The following RTTN variants were observed in gnomAD, a reference collection of about 807,000 sequenced individuals.
The protein encoded by RTTN is rotatin.
A neutral mutation model predicts 269.2 loss-of-function variants in RTTN; 182 were observed. The observed-to-expected ratio is 0.68, with a 90% confidence interval of 0.60 to 0.76. RTTN has a LOEUF of 0.76. RTTN is among the 30% of genes least tolerant of loss of function. The pLI is 0.00. For synonymous variants in RTTN, 1,006 were observed against 963.5 expected, an observed-to-expected ratio of 1.04 and a Z score of -0.82; for missense variants, 2,545 against 2,608.6, an observed-to-expected ratio of 0.98 and a Z score of 0.53.
At chr18:70,138,760 C>T (rs912165572) in intron 21 of RTTN, 22 of 151,936 alleles carry the variant, frequency 1.4e-4, no homozygotes, top group African/African-American at 5.3e-4. Context: ...CAAGCAGAAG[C>T]CAACAGGAGG....
rs910472501 is a variant in RTTN, at chr18:70,098,092, AT to A, written c.3904-5289del. On this transcript the variant is annotated intron_variant, in intron 28 of 48. Coordinates refer to ENST00000640769, the MANE Select transcript of RTTN (RefSeq NM_173630.4). ...TAGGTACTTATAGGTTCAATTATAT[AT>A]TTTTTTTAATTTTTAAACTTTTAGG... is the stretch of plus-strand genomic sequence containing the variant. Among the ~76,000 whole-genome samples the A allele has an allele frequency of 2.2e-4, 33 of 151,758 alleles. No homozygotes were observed. The East Asian group carries it at 5.4e-3, about 25-fold the overall frequency.
intron 28 of RTTN, among the ~76,000 whole-genome samples, chr18:70,096,262 G>A (rs1272298858): frequency 6.6e-6 from 1 of 152,040 alleles, no homozygotes; most frequent in Non-Finnish European, 1.5e-5. Flanking sequence ...TAGCTTGGAG[G>A]AGTTTGTTAT....
At chr18:70,184,709 T>TG (rs2061497279) in intron 10 of RTTN, among the ~76,000 whole-genome samples, 2 of 59,274 alleles carry the variant, frequency 3.4e-5, no homozygotes, top group African/African-American at 1.6e-4. Flanking sequence ...GCAGGTTTTT[T>TG]TTTTTTTTGT....
chr18:70,120,110 A>T (rs1394914689), intron 26 of RTTN, among the ~76,000 whole-genome samples: 1 of 152,146 alleles, frequency 6.6e-6, no homozygotes, highest in Admixed American at 6.5e-5. Context: ...TAGTGGATTA[A>T]TGGGTTATCA....
At chr18:70,092,608 A>T in intron 29 of RTTN, 68 bp downstream of exon 29, 1 of 1,537,662 alleles carries the variant, frequency 6.5e-7, no homozygotes, top group East Asian at 2.3e-5. Flanking sequence ...TATGCTTGAA[A>T]TGTGTTGGAC....
At chr18:70,035,729 C>T (rs566511036) in intron 40 of RTTN, among the ~76,000 whole-genome samples, 2 of 152,070 alleles carry the variant, frequency 1.3e-5, no homozygotes, top group Non-Finnish European at 2.9e-5. Flanking sequence ...TAAACTAAAG[C>T]GTGTCTGCAC....
chr18:70,079,675 G>T (rs939458921), intron 32 of RTTN, among the ~76,000 whole-genome samples: 1 of 152,136 alleles, frequency 6.6e-6, no homozygotes, highest in African/African-American at 2.4e-5. Context: ...TTGCCAGAGA[G>T]AGCTGAGAAG....
chr18:70,127,514 G>A lies in RTTN; in HGVS notation c.3371C>T (p.Thr1124Ile), dbSNP rs757134367. 15 of 1,613,304 alleles carry A rather than the reference G, an allele frequency of 9.3e-6. No homozygotes were observed. In the South Asian group the frequency reaches 1.1e-4, roughly 12 times the overall value. Reference protein sequence around the residue: ...GVTLKSLAWHTALNRFLQVLP... With the variant: ...GVTLKSLAWHIALNRFLQVLP... ...ACCTTACACTGACCTGTTTAGTGCG[G>A]TGTGCCAAGCCAAGGACTTCAAGGT... Residue 1124 changes from threonine to isoleucine, a missense_variant, in exon 25 of 49, where the codon ACC becomes ATC. Thr to Ile is a moderately conservative substitution (Grantham distance 89). Transcript: ENST00000640769.
At chr18:70,140,267 G>A in intron 19 of RTTN, 79 bp from the exon 20 acceptor site, 1 of 757,074 alleles carries the variant, frequency 1.3e-6, no homozygotes, top group Non-Finnish European at 2.3e-6. Flanking sequence ...ACTCAGAACT[G>A]ATATCCACAC....
intron 31 of RTTN, 49 bp from the exon 32 acceptor site, chr18:70,086,733 A>C (rs750041430): frequency 1.7e-5 from 22 of 1,308,152 alleles, no homozygotes; most frequent in Middle Eastern, 2.5e-4. Flanking sequence ...AAAAAAAAAA[A>C]GGTCAATACT....
At chr18:70,047,216 C>A (rs2057516002) in intron 40 of RTTN, among the ~76,000 whole-genome samples, 1 of 152,186 alleles carries the variant, frequency 6.6e-6, no homozygotes, top group African/African-American at 2.4e-5. Context: ...ATCAACAATT[C>A]TACTACTTTT....
At chr18:70,187,954 C>A (rs1198094368) in intron 10 of RTTN, among the ~76,000 whole-genome samples, 154 bp downstream of exon 10, 2 of 152,112 alleles carry the variant, frequency 1.3e-5, no homozygotes, top group Non-Finnish European at 2.9e-5. Flanking sequence ...GAAAAATAGG[C>A]CTGTTCCAGG....
chr18:70,005,315 G>A, intron 47 of RTTN, 48 bp from the exon 48 acceptor site: 4 of 1,364,474 alleles, frequency 2.9e-6, no homozygotes, highest in Non-Finnish European at 4.2e-6. Flanking sequence ...TATGGATCAT[G>A]ATAGCAAAAC....
At chr18:70,127,891 CA>C (rs1380312148) in intron 24 of RTTN, 150 bp from the exon 25 acceptor site, 3 of 702,330 alleles carry the variant, frequency 4.3e-6, no homozygotes, top group Non-Finnish European at 6.9e-6. Context: ...AAAACTGATA[CA>C]TATCTGTCAA....
At chr18:70,063,653 G>A (rs966308439) in intron 35 of RTTN, among the ~76,000 whole-genome samples, 1 of 152,114 alleles carries the variant, frequency 6.6e-6, no homozygotes, top group Admixed American at 6.5e-5. Flanking sequence ...ACAATTTCAA[G>A]GGAAATCTTT....
At chr18:70,186,893 A>G (rs1337102003) in intron 10 of RTTN, among the ~76,000 whole-genome samples, 2 of 152,198 alleles carry the variant, frequency 1.3e-5, no homozygotes. Flanking sequence ...GAGGAGGACC[A>G]CAAAAATTAC....
chr18:70,111,078 AC>A (rs1433944609), intron 27 of RTTN, among the ~76,000 whole-genome samples: 2 of 151,788 alleles, frequency 1.3e-5, no homozygotes, highest in South Asian at 2.1e-4. Flanking sequence ...TATAGATAAA[AC>A]CCCCATCTCC....
At position 70,168,953 on chromosome 18, in the gene RTTN, G is replaced by A; in HGVS notation, c.1591C>T (p.Gln531Ter). The A allele has an allele frequency of 6.2e-7, 1 of 1,613,288 alleles. No homozygotes were observed. Among genetic ancestry groups the A allele is most frequent in the Non-Finnish European group, 8.5e-7 (1 of 1,179,730 alleles). ...IHEAVVAYLE[Q>*]LNSENYSIYK... Reference sequence around the variant, plus strand: ...ATACTGTAGTTTTCAGAATTCAGCTGTTCCAAATAGGCCACAACAGCTTCA... The same window carrying A: ...ATACTGTAGTTTTCAGAATTCAGCTATTCCAAATAGGCCACAACAGCTTCA... Residue 531 changes from glutamine to a stop codon, truncating the protein, a stop_gained, in exon 12 of 49, where the codon CAG (glutamine) becomes TAG (stop). Coordinates refer to ENST00000640769, the MANE Select transcript of RTTN (RefSeq NM_173630.4). LOFTEE classifies it high-confidence loss of function.
chr18:70,092,528 T>C, intron 29 of RTTN, 148 bp downstream of exon 29: 1 of 823,618 alleles, frequency 1.2e-6, no homozygotes, highest in South Asian at 2.1e-5. Context: ...CTAAGAAATA[T>C]TCTAGTCAAA....
Sources: gnomAD v4.1 joint callset for allele counts (sites outside exome capture counted in the v4.1 genomes callset) on GRCh38, gnomAD v4.1.1 for gene constraint, MANE v1.5 for transcripts, NCBI Gene and HGNC (gene_info 2026-07-23, HGNC 2026-07-21) for gene names.